Variants in MYRIP observed in about 807,000 individuals in gnomAD.
MYRIP encodes the protein rab effector MyRIP.
MYRIP carries 49 observed loss-of-function variants against 98.0 expected under a neutral mutation model. The observed-to-expected ratio is 0.50, with a 90% CI of 0.40 to 0.63. The LOEUF is 0.63. MYRIP is among the 30% of genes least tolerant of loss of function. MYRIP has a pLI of 0.00. For synonymous variants in MYRIP, 404 were observed against 409.5 expected, an observed-to-expected ratio of 0.99 and a Z score of 0.16; for missense variants, 1,004 against 1,058.2, an observed-to-expected ratio of 0.95 and a Z score of 0.71.
At chr3:40,200,569 G>A (rs541206674) in intron 10 of MYRIP, among the ~76,000 whole-genome samples, 1 of 152,126 alleles carries the variant, frequency 6.6e-6, no homozygotes, top group African/African-American at 2.4e-5. Context: ...AATTATTTGG[G>A]GCCTTCTTTT....
rs140332797 is a variant in MYRIP, at chr3:40,119,605, C to T, written c.333-31443C>T. Among the ~76,000 whole-genome samples the T allele has an allele frequency of 5.9e-3, 901 of 152,200 alleles. 9 individuals are homozygous for T. The highest frequency in any genetic ancestry group is 0.02 in the African/African-American group (846 of 41,506). Reference sequence around the variant, plus strand: ...CAATTATTTTTATCTTTGATGAGTTCATGTCCTTTGTAGGGACATGGATGA... The same window carrying T: ...CAATTATTTTTATCTTTGATGAGTTTATGTCCTTTGTAGGGACATGGATGA... On this transcript the variant is annotated intron_variant, in intron 3 of 16. Transcript: ENST00000302541.
intron 2 of MYRIP, among the ~76,000 whole-genome samples, chr3:39,929,018 G>A (rs1017301001): frequency 4.6e-5 from 7 of 151,472 alleles, no homozygotes; most frequent in Admixed American, 4.6e-4. Context: ...TTGTGTGTGT[G>A]TTTGTGGTCT....
chr3:40,106,737 G>A (rs1352366397), intron 3 of MYRIP, among the ~76,000 whole-genome samples: 1 of 151,728 alleles, frequency 6.6e-6, no homozygotes, highest in East Asian at 1.9e-4. Flanking sequence ...TGTAAATTTT[G>A]TTATTCAGCC....
intron 2 of MYRIP, among the ~76,000 whole-genome samples, chr3:40,035,289 A>C (rs1241160854): frequency 6.6e-6 from 1 of 152,044 alleles, no homozygotes; most frequent in South Asian, 2.1e-4. Flanking sequence ...AGCCTCCACC[A>C]CAACAAGGTA....
intron 2 of MYRIP, among the ~76,000 whole-genome samples, chr3:39,904,926 A>G (rs963153556): frequency 4.6e-5 from 7 of 152,200 alleles, no homozygotes; most frequent in African/African-American, 1.7e-4. Context: ...GAGAATTGAT[A>G]GGCCTGAGAA....
chr3:40,221,498 G>C lies in MYRIP; in HGVS notation c.1905+11405G>C, dbSNP rs142866674. 7.8e-4 allele frequency among the ~76,000 whole-genome samples: 119 copies of C among 152,260 alleles called. 1 individual carries two copies. In the East Asian group the frequency reaches 0.02, roughly 25 times the overall value. ...ATACAAAAATTAGCCAGCCATAGTG[G>C]TGAGCACCTGTGGTCCCAGCTACTC... On this transcript the variant is annotated intron_variant, in intron 11 of 16. Coordinates refer to ENST00000302541, the MANE Select transcript of MYRIP (RefSeq NM_015460.4).
At chr3:40,159,437 T>C (rs980370317) in intron 4 of MYRIP, among the ~76,000 whole-genome samples, 9 of 152,090 alleles carry the variant, frequency 5.9e-5, no homozygotes, top group African/African-American at 2.2e-4. Context: ...ATTTTTTCCT[T>C]CATTTCAAGT....
chr3:39,953,203 G>A (rs1346280737), intron 2 of MYRIP, among the ~76,000 whole-genome samples: 4 of 152,162 alleles, frequency 2.6e-5, no homozygotes, highest in Non-Finnish European at 5.9e-5. Flanking sequence ...ATGTGTTGGA[G>A]ATAATAAGGT....
intron 2 of MYRIP, among the ~76,000 whole-genome samples, chr3:39,956,144 C>T (rs185631257): frequency 1.4e-4 from 22 of 152,184 alleles, no homozygotes; most frequent in Non-Finnish European, 2.5e-4. Context: ...ACAAGGATAT[C>T]CAGGAATTGA....
At chr3:39,881,726 G>A (rs1297807006) in intron 1 of MYRIP, among the ~76,000 whole-genome samples, 2 of 152,064 alleles carry the variant, frequency 1.3e-5, no homozygotes, top group African/African-American at 4.8e-5. Flanking sequence ...GAGGACCCTG[G>A]TGACTCCTGA....
intron 11 of MYRIP, among the ~76,000 whole-genome samples, chr3:40,231,293 C>G (rs960065482): frequency 6.6e-5 from 10 of 152,232 alleles, no homozygotes; most frequent in African/African-American, 2.2e-4. Context: ...GGGGCCAAGA[C>G]AGTAAGTCAA....
chr3:40,170,563 T>A (rs994743892), intron 8 of MYRIP, among the ~76,000 whole-genome samples: 1 of 152,216 alleles, frequency 6.6e-6, no homozygotes, highest in African/African-American at 2.4e-5. Flanking sequence ...CCTTTCTGTC[T>A]GTCACCTTGA....
chr3:39,961,939 G>A (rs772515970), intron 2 of MYRIP, among the ~76,000 whole-genome samples: 49 of 152,188 alleles, frequency 3.2e-4, no homozygotes, highest in African/African-American at 7.0e-4. Flanking sequence ...CCTGGATGGC[G>A]CAGCAGGGTT....
chr3:40,212,141 T>C (rs7432058), intron 11 of MYRIP, among the ~76,000 whole-genome samples: 915 of 5,746 alleles, frequency 0.16, 204 homozygotes, highest in Non-Finnish European at 0.34. Flanking sequence ...TATATATATA[T>C]ACATATATAT....
rs1281693276 is a variant in MYRIP at position 39,835,093 on chromosome 3, A to G, written c.-31+25177A>G. Among the ~76,000 whole-genome samples the G allele has an allele frequency of 1.3e-5, 2 of 152,328 alleles. 1 individual carries two copies. The highest frequency in any genetic ancestry group is 4.1e-4 in the South Asian group (2 of 4,822). Reference sequence around the variant, plus strand: ...AAAAACCACTGAGACAGAAAAAGACATTGAGAATGAATTAAATAAAATATG... The same window carrying G: ...AAAAACCACTGAGACAGAAAAAGACGTTGAGAATGAATTAAATAAAATATG... On this transcript the variant is annotated intron_variant, in intron 1 of 16. Transcript: ENST00000302541.
intron 2 of MYRIP, among the ~76,000 whole-genome samples, chr3:39,939,263 T>G (rs1033965539): frequency 6.6e-6 from 1 of 152,152 alleles, no homozygotes; most frequent in Non-Finnish European, 1.5e-5. Flanking sequence ...AATTTTGACA[T>G]GAAACAGCTC....
intron 2 of MYRIP, among the ~76,000 whole-genome samples, chr3:39,901,892 A>G (rs909568795): frequency 3.3e-5 from 5 of 152,330 alleles, no homozygotes; most frequent in Non-Finnish European, 5.9e-5. Flanking sequence ...AGCAAGGGAC[A>G]TAACATTGCC....
intron 10 of MYRIP, 24 bp from the exon 11 acceptor site, chr3:40,209,830 C>T (rs1282460637): frequency 6.2e-7 from 1 of 1,613,338 alleles, no homozygotes. Context: ...GGCTCCTCAT[C>T]TCATGATTCT....
chr3:39,888,457 G>C (rs2125655239), intron 1 of MYRIP, among the ~76,000 whole-genome samples: 1 of 152,144 alleles, frequency 6.6e-6, no homozygotes, highest in Non-Finnish European at 1.5e-5. Flanking sequence ...AAATGGTGCT[G>C]GGAAAACTGG....
Sources: allele counts gnomAD v4.1 joint callset (sites outside exome capture counted in the v4.1 genomes callset), GRCh38; gene constraint gnomAD v4.1.1; transcripts MANE v1.5; gene names NCBI Gene and HGNC (gene_info 2026-07-23, HGNC 2026-07-21).